TMEM117: variants seen among roughly 807,000 people sequenced by gnomAD.
The protein encoded by TMEM117 is transmembrane protein 117.
A neutral mutation model predicts 52.4 loss-of-function variants in TMEM117; 27 were observed. The observed-to-expected ratio is 0.51, with a 90% confidence interval of 0.38 to 0.71. TMEM117 has a LOEUF of 0.71. Ranked by LOEUF, TMEM117 falls within the 30% of genes least tolerant of loss-of-function variation. The probability of loss-of-function intolerance (pLI) is 0.00; values close to 1 mark genes in which losing one functional copy is unlikely to be tolerated. For missense variants in TMEM117, 556 were observed against 630.5 expected, an observed-to-expected ratio of 0.88 and a Z score of 1.26; for synonymous variants, 215 against 206.3, an observed-to-expected ratio of 1.04 and a Z score of -0.36.
chr12:44,125,800 G>C (rs1948314805), intron 3 of TMEM117, among the ~76,000 whole-genome samples: 1 of 151,972 alleles, frequency 6.6e-6, no homozygotes, highest in Non-Finnish European at 1.5e-5. Flanking sequence ...TTTTAGTTGT[G>C]ATGTTAGATT....
At chr12:43,814,892 C>CCG in the TMEM117 span, among the ~76,000 whole-genome samples, 4 of 151,832 alleles carry the variant, frequency 2.6e-5, no homozygotes, top group African/African-American at 9.7e-5. Context: ...TTACAGGCAC[C>CCG]CGCCACCATG....
At chr12:43,964,382 C>G (rs1162944808) in intron 3 of TMEM117, among the ~76,000 whole-genome samples, 2 of 152,172 alleles carry the variant, frequency 1.3e-5, no homozygotes, top group African/African-American at 4.8e-5. Flanking sequence ...TCCTACCTCT[C>G]AACTAGAAAG....
At chr12:44,306,339 G>A (rs1029348715) in intron 6 of TMEM117, among the ~76,000 whole-genome samples, 3 of 152,084 alleles carry the variant, frequency 2.0e-5, no homozygotes, top group African/African-American at 7.2e-5. Flanking sequence ...AAACCTAGCA[G>A]AAATCTACTC....
At chr12:44,121,734 A>G (rs1948238464) in intron 3 of TMEM117, among the ~76,000 whole-genome samples, 1 of 152,180 alleles carries the variant, frequency 6.6e-6, no homozygotes, top group Non-Finnish European at 1.5e-5. Flanking sequence ...TTCAGGGGAT[A>G]CATGTGCAGG....
upstream of TMEM117, among the ~76,000 whole-genome samples, chr12:43,833,798 G>GAA (rs529624445): frequency 1.4e-5 from 2 of 145,418 alleles, no homozygotes; most frequent in African/African-American, 5.0e-5. Context: ...CTTTAAAAAA[G>GAA]AAAAAAAAAA....
At chr12:43,808,438 G>T in the TMEM117 span, among the ~76,000 whole-genome samples, 279 of 152,296 alleles carry the variant, frequency 1.8e-3, 1 homozygote, top group Admixed American at 3.5e-3. Flanking sequence ...GCCCATGAGT[G>T]AAAGGCAATT....
chr12:44,291,518 A>G (rs1375115876), intron 5 of TMEM117, among the ~76,000 whole-genome samples: 1 of 151,514 alleles, frequency 6.6e-6, no homozygotes, highest in Admixed American at 6.6e-5. Flanking sequence ...CTCTGGCTAG[A>G]CTTTCAGTAC....
intron 2 of TMEM117, among the ~76,000 whole-genome samples, chr12:43,890,734 C>T (rs1022950909): frequency 2.0e-5 from 3 of 151,858 alleles, no homozygotes; most frequent in African/African-American, 7.3e-5. Flanking sequence ...GTTTCACCAT[C>T]TTGGCCAGGC....
At chr12:44,336,096 A>G (rs1365343908) in intron 6 of TMEM117, among the ~76,000 whole-genome samples, 3 of 152,074 alleles carry the variant, frequency 2.0e-5, no homozygotes, top group African/African-American at 7.2e-5. Context: ...ACATAAAAAT[A>G]CATTTCATAA....
chr12:43,920,549 C>CTTTT (rs60359835), intron 2 of TMEM117, among the ~76,000 whole-genome samples: 2 of 86,058 alleles, frequency 2.3e-5, no homozygotes, highest in African/African-American at 3.6e-5. Flanking sequence ...CCTAGAGGGC[C>CTTTT]TTTTTTTTTT....
At chr12:43,876,378 G>A (rs1943794589) in intron 2 of TMEM117, among the ~76,000 whole-genome samples, 1 of 152,106 alleles carries the variant, frequency 6.6e-6, no homozygotes, top group South Asian at 2.1e-4. Flanking sequence ...ATATTGTCTT[G>A]TCATTTCTAG....
chr12:44,375,752 G>A (rs781672569), intron 6 of TMEM117, among the ~76,000 whole-genome samples: 8 of 152,196 alleles, frequency 5.3e-5, no homozygotes, highest in African/African-American at 7.2e-5. Context: ...AAGTGAAAAT[G>A]TGTATACTAA....
At chr12:44,348,034 T>TA (rs1344130892) in intron 6 of TMEM117, among the ~76,000 whole-genome samples, 1 of 152,010 alleles carries the variant, frequency 6.6e-6, no homozygotes, top group African/African-American at 2.4e-5. Context: ...TACTGCTAGT[T>TA]AGAGTCCTAC....
intron 5 of TMEM117, among the ~76,000 whole-genome samples, chr12:44,296,103 G>T (rs1407585299): frequency 1.3e-5 from 2 of 152,170 alleles, no homozygotes; most frequent in Non-Finnish European, 2.9e-5. Context: ...AGTGTATATG[G>T]ATCCTGTCTG....
intron 6 of TMEM117, among the ~76,000 whole-genome samples, chr12:44,325,635 A>ATT (rs1412911883): frequency 1.3e-5 from 2 of 151,982 alleles, no homozygotes; most frequent in Non-Finnish European, 2.9e-5. Context: ...CATTAAAGAA[A>ATT]TTACCCCTTT....
At chr12:44,157,489 A>T (rs1314219327) in intron 4 of TMEM117, among the ~76,000 whole-genome samples, 1 of 152,122 alleles carries the variant, frequency 6.6e-6, no homozygotes, top group African/African-American at 2.4e-5. Flanking sequence ...ACATCTTTTT[A>T]TTGTTGCTCT....
chr12:43,856,921 T>C (rs1044372137), intron 2 of TMEM117, among the ~76,000 whole-genome samples: 1 of 152,212 alleles, frequency 6.6e-6, no homozygotes, highest in African/African-American at 2.4e-5. Context: ...AGGAACACCC[T>C]TCTTCAGAGG....
At chr12:43,825,548 T>G in the TMEM117 span, among the ~76,000 whole-genome samples, 34 of 152,336 alleles carry the variant, frequency 2.2e-4, 1 homozygote, top group South Asian at 6.8e-3. Context: ...CTGTGTTTGG[T>G]TGGCAAATCC....
intron 3 of TMEM117, among the ~76,000 whole-genome samples, chr12:44,026,490 C>T (rs1946535095): frequency 6.6e-6 from 1 of 152,192 alleles, no homozygotes; most frequent in Non-Finnish European, 1.5e-5. Context: ...ACCTTCTCAT[C>T]AGTGGTTCCC....
Sources: gnomAD v4.1 joint callset for allele counts (sites outside exome capture counted in the v4.1 genomes callset) on GRCh38, gnomAD v4.1.1 for gene constraint, MANE v1.5 for transcripts, NCBI Gene and HGNC (gene_info 2026-07-23, HGNC 2026-07-21) for gene names.